PLEKHM3: variants seen among roughly 807,000 people sequenced by gnomAD.
The protein encoded by PLEKHM3 is pleckstrin homology domain-containing family M member 3.
Under a neutral mutation model 81.8 loss-of-function variants are expected in PLEKHM3, and 45 were observed. That is an observed-to-expected ratio of 0.55 (90% CI 0.43 to 0.71). PLEKHM3 has a LOEUF of 0.71. PLEKHM3 is among the 30% of genes least tolerant of loss of function. The pLI is 0.00. For synonymous variants in PLEKHM3, 352 were observed against 356.4 expected (o/e 0.99, Z 0.14); for missense variants, 788 against 924.3 (o/e 0.85, Z 1.91).
rs181284659 is a variant in PLEKHM3, at chr2:207,882,837, A to T, written c.1951-21575T>A. ...TACAGTTTTTAAAAGTTTTTTTTTT[A>T]ATTTTTTTTCCCGAGATTCTCGTGC... is the stretch of plus-strand genomic sequence containing the variant. On this transcript the variant is annotated intron_variant, in intron 6 of 7. Coordinates refer to ENST00000427836, the MANE Select transcript of PLEKHM3 (RefSeq NM_001080475.3). Among the ~76,000 whole-genome samples the T allele has an allele frequency of 2.7e-3, 404 of 151,540 alleles. 2 individuals carry two copies. The highest frequency in any genetic ancestry group is 9.2e-3 in the African/African-American group (382 of 41,364).
chr2:207,887,541 T>C (rs1317192306), intron 6 of PLEKHM3, among the ~76,000 whole-genome samples: 1 of 152,210 alleles, frequency 6.6e-6, no homozygotes, highest in Non-Finnish European at 1.5e-5. Context: ...AACATAGGAT[T>C]TAATTGTCAG....
At chr2:207,986,520 A>G (rs2106057391) in intron 2 of PLEKHM3, among the ~76,000 whole-genome samples, 1 of 152,334 alleles carries the variant, frequency 6.6e-6, no homozygotes, top group Middle Eastern at 3.4e-3. Flanking sequence ...AAGGAAGCAA[A>G]GCAATTTGAC....
intron 6 of PLEKHM3, among the ~76,000 whole-genome samples, chr2:207,874,472 G>A (rs1472761644): frequency 6.6e-6 from 1 of 152,072 alleles, no homozygotes; most frequent in South Asian, 2.1e-4. Flanking sequence ...TACTTGGGAG[G>A]CTGAGGCAGG....
In PLEKHM3 at chr2:207,861,270, A is replaced by G. The variant is rs1559210957; in HGVS notation, c.1951-8T>C. ...CAGCTTTCCCTCTATTACCTGCAGAAAGAGAAATGGGACAGGGAAGCACAT... is the reference window on the plus strand; with the variant it reads ...CAGCTTTCCCTCTATTACCTGCAGAGAGAGAAATGGGACAGGGAAGCACAT... On this transcript the variant is annotated splice_region_variant and splice_polypyrimidine_tract_variant and intron_variant, in intron 6 of 7. Transcript: ENST00000427836. 4 of 1,613,632 alleles carry G rather than the reference A, an allele frequency of 2.5e-6. No individual in the cohort carries two copies. The highest frequency in any genetic ancestry group is 2.2e-5 in the South Asian group (2 of 90,980).
chr2:207,830,924 C>T (rs533542600), intron 7 of PLEKHM3, among the ~76,000 whole-genome samples: 9 of 152,310 alleles, frequency 5.9e-5, no homozygotes, highest in East Asian at 5.8e-4. Context: ...TGTGGTCTTC[C>T]GTGTGACAGT....
chr2:207,891,963 C>T (rs1348289985), intron 6 of PLEKHM3, among the ~76,000 whole-genome samples: 2 of 152,150 alleles, frequency 1.3e-5, no homozygotes, highest in African/African-American at 2.4e-5. Flanking sequence ...ATAACACAGT[C>T]CTGGCAAGAA....
chr2:207,930,857 T>G, intron 5 of PLEKHM3, 69 bp downstream of exon 5: 4 of 1,552,786 alleles, frequency 2.6e-6, no homozygotes, highest in Non-Finnish European at 3.5e-6. Flanking sequence ...CCTTTGGAGA[T>G]AATCTCACCA....
intron 2 of PLEKHM3, among the ~76,000 whole-genome samples, chr2:207,999,802 A>G (rs1289254843): frequency 1.3e-5 from 2 of 152,224 alleles, no homozygotes; most frequent in Non-Finnish European, 2.9e-5. Flanking sequence ...CAGACATATT[A>G]AACTATATCC....
rs1397409804 is a variant in PLEKHM3, at chr2:208,001,274, G to A, written c.366C>T (p.Ile122=). 2 of 1,614,072 alleles carry A rather than the reference G, an allele frequency of 1.2e-6. No individual in the cohort carries two copies. Among genetic ancestry groups the A allele is most frequent in the African/African-American group, 2.7e-5 (2 of 74,934 alleles). ...GAGGCCGGTCCCTCCGACGCTGACA[G>A]ATATTGAAGAAATTAAAGGTTGATG... The part of the protein sequence containing the change: ...KEASTFNFFN[I]CQRRRDRPRS... Residue 122 remains isoleucine (I), a synonymous_variant, in exon 2 of 8, where the codon ATC becomes ATT. Coordinates refer to ENST00000427836, the MANE Select transcript of PLEKHM3 (RefSeq NM_001080475.3).
intron 2 of PLEKHM3, among the ~76,000 whole-genome samples, chr2:207,983,333 G>A (rs1205207744): frequency 6.6e-6 from 1 of 152,152 alleles, no homozygotes; most frequent in Non-Finnish European, 1.5e-5. Flanking sequence ...TTACAGGCGT[G>A]AGCCACCACG....
At chr2:207,930,619 GATT>G (rs1422707345) in intron 5 of PLEKHM3, among the ~76,000 whole-genome samples, 4 of 152,092 alleles carry the variant, frequency 2.6e-5, no homozygotes, top group African/African-American at 9.7e-5. Flanking sequence ...ATATTTCCAT[GATT>G]ATTATCTCAA....
At chr2:207,881,779 C>G (rs754068119) in intron 6 of PLEKHM3, among the ~76,000 whole-genome samples, 1 of 152,152 alleles carries the variant, frequency 6.6e-6, no homozygotes, top group Non-Finnish European at 1.5e-5. Context: ...TTTCCCTTCC[C>G]TTTCTCCTAC....
At chr2:207,871,471 A>G (rs1451299320) in intron 6 of PLEKHM3, among the ~76,000 whole-genome samples, 1 of 152,204 alleles carries the variant, frequency 6.6e-6, no homozygotes, top group African/African-American at 2.4e-5. Context: ...TAGATTTATG[A>G]GTGGCCACCA....
In PLEKHM3 at chr2:207,824,855, G is replaced by C. The variant is rs1184111738; in HGVS notation, c.*3464C>G. On this transcript the variant is annotated 3_prime_UTR_variant, in exon 8 of 8. Transcript: ENST00000427836. ...CATAGTCCCTTTTCAGGAGTCTGAG[G>C]GATACCACTTGTGTTGCAAACCACA... 6.6e-6 allele frequency: 1 copy of C among 152,072 alleles called. No individual in the cohort carries two copies. Among genetic ancestry groups the C allele is most frequent in the Non-Finnish European group, 1.5e-5 (1 of 68,016 alleles). The allele number at this position is 152,072 out of a possible 1,614,324, so 9.4% of individuals were successfully genotyped here.
chr2:207,871,162 A>G (rs2092532238), intron 6 of PLEKHM3, among the ~76,000 whole-genome samples: 1 of 152,184 alleles, frequency 6.6e-6, no homozygotes, highest in Non-Finnish European at 1.5e-5. Context: ...CTATTTCAAA[A>G]AGTTGTTCAA....
At chr2:207,975,899 A>ATTTTTTTTTTTTTTTTTTTT (rs3057251) in intron 3 of PLEKHM3, among the ~76,000 whole-genome samples, 1 of 140,088 alleles carries the variant, frequency 7.1e-6, no homozygotes, top group African/African-American at 2.6e-5. Flanking sequence ...ACCTGGCACA[A>ATTTTTTTTTTTTTTTTTTTT]TTTTTTTTTT....
intron 2 of PLEKHM3, among the ~76,000 whole-genome samples, chr2:207,997,004 G>A (rs1205948518): frequency 8.0e-5 from 7 of 87,570 alleles, no homozygotes; most frequent in African/African-American, 2.5e-4. Context: ...CATACTTTAT[G>A]TCCAAAAAAA....
intron 2 of PLEKHM3, among the ~76,000 whole-genome samples, chr2:207,996,158 T>C (rs1366213452): frequency 6.6e-6 from 1 of 152,190 alleles, no homozygotes; most frequent in Non-Finnish European, 1.5e-5. Context: ...GGGCACTTTA[T>C]AAGCCACACA....
At chr2:207,974,194 TATA>T (rs1229582996) in intron 3 of PLEKHM3, among the ~76,000 whole-genome samples, 1 of 152,230 alleles carries the variant, frequency 6.6e-6, no homozygotes, top group African/African-American at 2.4e-5. Flanking sequence ...CCCATTATAT[TATA>T]ATAATACGTT....
Sources: allele counts gnomAD v4.1 joint callset (sites outside exome capture counted in the v4.1 genomes callset), GRCh38; gene constraint gnomAD v4.1.1; transcripts MANE v1.5; gene names NCBI Gene and HGNC (gene_info 2026-07-23, HGNC 2026-07-21).